The following LIMK2 variants were observed in gnomAD, a reference collection of about 807,000 sequenced individuals.
The protein encoded by LIMK2 is LIM domain kinase 2.
In LIMK2, 35 loss-of-function variants were observed where a neutral mutation model predicts 75.7. That is an observed-to-expected ratio of 0.46 (90% CI 0.35 to 0.61). The LOEUF (loss-of-function observed/expected upper bound fraction) is 0.61. Ranked by LOEUF, LIMK2 falls within the 20% of genes least tolerant of loss-of-function variation. The pLI is 0.00. For synonymous variants in LIMK2, 301 were observed against 319.2 expected, an observed-to-expected ratio of 0.94 and a Z score of 0.61; for missense variants, 623 against 831.0, an observed-to-expected ratio of 0.75 and a Z score of 3.08.
At chr22:31,270,548 G>GT (rs1184126307) in intron 11 of LIMK2, among the ~76,000 whole-genome samples, 7 of 152,200 alleles carry the variant, frequency 4.6e-5, no homozygotes, top group African/African-American at 1.2e-4. Context: ...CCTGAGAGTG[G>GT]TAAGAGTCAG....
At chr22:31,212,654 G>A (rs151039887) in intron 1 of LIMK2, among the ~76,000 whole-genome samples, 3 of 152,218 alleles carry the variant, frequency 2.0e-5, no homozygotes, top group East Asian at 1.9e-4. Flanking sequence ...GGGCTCCGAG[G>A]GGCAGGCGGG....
At position 31,273,476 on chromosome 22, in the gene LIMK2, A is replaced by G; in HGVS notation, c.1583A>G (p.Asp528Gly). 1.2e-6 allele frequency: 2 copies of G among 1,613,884 alleles called. No homozygotes were observed. Among genetic ancestry groups the G allele is most frequent in the East Asian group, 2.2e-5 (1 of 44,864 alleles). Residue 528 changes from aspartate to glycine, a missense_variant, in exon 14 of 16, where the codon GAT becomes GGT. Around this residue, in one of 3 missense-constraint regions of LIMK2, gnomAD observed 63 missense variants for 122.8 expected, o/e 0.51. Coordinates refer to ENST00000331728, the MANE Select transcript of LIMK2 (RefSeq NM_005569.4). ...LNGKSYDETV[D>G]IFSFGIVLCE... ...GGAAAGAGCTATGATGAGACGGTGG[A>G]TATCTTCTCCTTTGGGATCGTTCTC...
In LIMK2 at chr22:31,262,837, C is replaced by T. The variant is rs765119435; in HGVS notation, c.854+46C>T. ...TCTGTTCTGTCCTATGTCTGTCTCTCGGATGAAGCTGAGCTGGCTTTCAGA... is the reference window on the plus strand; with the variant it reads ...TCTGTTCTGTCCTATGTCTGTCTCTTGGATGAAGCTGAGCTGGCTTTCAGA... On this transcript the variant is annotated intron_variant, in intron 7 of 15. Transcript: ENST00000331728. The surrounding 1 kb of genome is among the most constrained non-coding windows in gnomAD (Gnocchi z 5.0). 22 of 1,449,484 alleles carry T rather than the reference C, an allele frequency of 1.5e-5. No individual in the cohort carries two copies. Among genetic ancestry groups the T allele is most frequent in the Middle Eastern group, 3.6e-4 (2 of 5,580 alleles). 89.8% of individuals were successfully genotyped at this position (1,449,484 alleles called of 1,614,324 possible). A position where few individuals can be genotyped will look rare whatever the true frequency, so the allele number is the denominator to read the frequency against.
At chr22:31,229,891 A>G (rs1042348368) in intron 2 of LIMK2, among the ~76,000 whole-genome samples, 18 of 152,204 alleles carry the variant, frequency 1.2e-4, no homozygotes, top group African/African-American at 4.3e-4. Context: ...GGCCAGTGAC[A>G]AAACTGAAAG....
At chr22:31,269,307 T>G (rs1265021054) in intron 11 of LIMK2, among the ~76,000 whole-genome samples, 10 of 147,754 alleles carry the variant, frequency 6.8e-5, no homozygotes, top group Non-Finnish European at 1.0e-4. Context: ...TTTTTTTTTT[T>G]GGTAGAGACA....
chr22:31,272,362 AC>A, intron 12 of LIMK2, 167 bp from the exon 13 acceptor site: 1 of 521,606 alleles, frequency 1.9e-6, no homozygotes. Context: ...GGTGGAAGCC[AC>A]CGTGCCTGGC....
intron 8 of LIMK2, 31 bp downstream of exon 8, chr22:31,266,163 C>A (rs1301947699): frequency 1.9e-6 from 3 of 1,606,384 alleles, no homozygotes; most frequent in Non-Finnish European, 2.6e-6. Flanking sequence ...CTTTGCTCTT[C>A]TGCCCCCAGT....
At chr22:31,253,338 G>A (rs1293392776) in intron 2 of LIMK2, among the ~76,000 whole-genome samples, 1 of 152,216 alleles carries the variant, frequency 6.6e-6, no homozygotes, top group Non-Finnish European at 1.5e-5. Flanking sequence ...TGGGAAGAAC[G>A]TATGATGTCC....
At chr22:31,265,656 C>CAT (rs2048886953) in intron 7 of LIMK2, among the ~76,000 whole-genome samples, 1 of 152,152 alleles carries the variant, frequency 6.6e-6, no homozygotes, top group Non-Finnish European at 1.5e-5. Flanking sequence ...ACAGTGTTGT[C>CAT]ATATATGTCA....
At chr22:31,225,659 G>A in intron 1 of LIMK2, 61 bp from the exon 2 acceptor site, 1 of 1,227,634 alleles carries the variant, frequency 8.1e-7, no homozygotes, top group Non-Finnish European at 1.2e-6. Flanking sequence ...TACATGGTAG[G>A]AATCCTGTCC....
intron 15 of LIMK2, chr22:31,275,600 TCG>T: frequency 5.5e-6 from 2 of 363,332 alleles, no homozygotes; most frequent in South Asian, 4.5e-5. Context: ...TATTCATCTT[TCG>T]ATATTCCCCT....
intron 1 of LIMK2, among the ~76,000 whole-genome samples, chr22:31,213,476 G>C (rs1000968090): frequency 1.3e-5 from 2 of 152,194 alleles, no homozygotes; most frequent in African/African-American, 2.4e-5. Flanking sequence ...TCCGTCTGTG[G>C]ACAGTCACTT....
intron 2 of LIMK2, chr22:31,248,699 A>T (rs757925294): frequency 6.2e-7 from 1 of 1,614,090 alleles, no homozygotes; most frequent in South Asian, 1.1e-5. Context: ...GAGCCTGTCT[A>T]TCTGGTGTGG....
intron 10 of LIMK2, 68 bp from the exon 11 acceptor site, chr22:31,268,076 C>G: frequency 1.9e-6 from 3 of 1,541,302 alleles, no homozygotes; most frequent in Non-Finnish European, 2.7e-6. Context: ...ACCACATTGA[C>G]CCATGGGGCC....
At chr22:31,234,908 C>T (rs1912610413) in intron 2 of LIMK2, among the ~76,000 whole-genome samples, 1 of 151,984 alleles carries the variant, frequency 6.6e-6, no homozygotes, top group South Asian at 2.1e-4. Context: ...CCCCCTTACT[C>T]TGTTCACTTA....
chr22:31,230,824 T>C (rs2048521610), intron 2 of LIMK2, among the ~76,000 whole-genome samples: 1 of 152,192 alleles, frequency 6.6e-6, no homozygotes, highest in Non-Finnish European at 1.5e-5. Flanking sequence ...CTTTCTGTGA[T>C]GCTGAAAGCC....
intron 1 of LIMK2, 141 bp downstream of exon 1, chr22:31,212,565 G>A: frequency 1.3e-6 from 1 of 780,690 alleles, no homozygotes; most frequent in Admixed American, 4.2e-5. Context: ...AAGCTGGGAG[G>A]CGGGGTGGGC....
At chr22:31,223,117 A>G (rs768255856) in intron 1 of LIMK2, among the ~76,000 whole-genome samples, 5 of 152,180 alleles carry the variant, frequency 3.3e-5, no homozygotes, top group Non-Finnish European at 5.9e-5. Context: ...AAAAATCTGA[A>G]GTAGGGCTGG....
chr22:31,218,004 C>T (rs1213282457), intron 1 of LIMK2, among the ~76,000 whole-genome samples: 1 of 152,280 alleles, frequency 6.6e-6, no homozygotes, highest in South Asian at 2.1e-4. Flanking sequence ...GTTTTGAAAA[C>T]CTTCCCTTCA....
Sources: allele counts gnomAD v4.1 joint callset (sites outside exome capture counted in the v4.1 genomes callset), GRCh38; gene constraint gnomAD v4.1.1; regional missense constraint gnomAD v4.1.1; non-coding constraint Gnocchi (gnomAD v3.1); transcripts MANE v1.5; gene names NCBI Gene and HGNC (gene_info 2026-07-23, HGNC 2026-07-21).